The following RPS6KC1 variants were observed in gnomAD, a reference collection of about 807,000 sequenced individuals.
The protein encoded by RPS6KC1 is ribosomal protein S6 kinase C1, also known as inactive ribosomal protein S6 kinase delta-1.
RPS6KC1 carries 54 observed loss-of-function variants against 103.8 expected under a neutral mutation model. The observed-to-expected ratio is 0.52, with a 90% CI of 0.42 to 0.65. RPS6KC1 has a LOEUF of 0.65. RPS6KC1 is among the 30% of genes least tolerant of loss of function. The probability of loss-of-function intolerance (pLI) is 0.00; values close to 1 mark genes in which losing one functional copy is unlikely to be tolerated. For synonymous variants in RPS6KC1, 439 were observed against 438.7 expected (o/e 1.00, Z -0.01); for missense variants, 1,151 against 1,253.8 (o/e 0.92, Z 1.24).
chr1:213,693,108 T>G, the RPS6KC1 span, among the ~76,000 whole-genome samples: 150,763 of 152,296 alleles, frequency 0.99, 74,634 homozygotes, highest in Middle Eastern at 1. Flanking sequence ...TATATCTGCT[T>G]TCTCTCTCTG....
the RPS6KC1 span, among the ~76,000 whole-genome samples, chr1:213,790,157 T>A: frequency 6.6e-6 from 1 of 152,170 alleles, no homozygotes; most frequent in East Asian, 1.9e-4. Flanking sequence ...CATAACAGTG[T>A]CCCAAGTGGA....
rs1375175976 is a variant in RPS6KC1, at chr1:213,081,796, GA to G, written c.262+3982del. ...CATCCAGCCAAAAACTAGTAAGCAT[GA>G]AGCCTGCCACAGCCATGTGAATGAA... is the stretch of plus-strand genomic sequence containing the variant. On this transcript the variant is annotated intron_variant, in intron 3 of 14. Coordinates refer to ENST00000366960, the MANE Select transcript of RPS6KC1 (RefSeq NM_012424.6). Among the ~76,000 whole-genome samples the G allele has an allele frequency of 2.0e-5, 3 of 151,980 alleles. No homozygotes were observed. In the East Asian group the frequency reaches 5.8e-4, roughly 29 times the overall value.
At chr1:213,728,786 G>C in the RPS6KC1 span, among the ~76,000 whole-genome samples, 1 of 151,986 alleles carries the variant, frequency 6.6e-6, no homozygotes, top group African/African-American at 2.4e-5. Context: ...ACTCCTCCGC[G>C]CTCTTGGCTT....
chr1:213,529,243 A>C, the RPS6KC1 span, among the ~76,000 whole-genome samples: 4 of 152,164 alleles, frequency 2.6e-5, no homozygotes, highest in Non-Finnish European at 4.4e-5. Flanking sequence ...GGGAGAGCTA[A>C]CCAGGCAAAG....
chr1:213,852,366 T>C, the RPS6KC1 span, among the ~76,000 whole-genome samples: 1,865 of 152,270 alleles, frequency 0.012, 49 homozygotes, highest in African/African-American at 0.043. Context: ...TTCTATGTTA[T>C]TGTGAACATA....
chr1:213,366,110 T>C, the RPS6KC1 span, among the ~76,000 whole-genome samples: 4 of 152,234 alleles, frequency 2.6e-5, no homozygotes, highest in African/African-American at 9.6e-5. Context: ...TGAGGGTCTC[T>C]CCCTGCTTGT....
At chr1:213,418,893 G>A in the RPS6KC1 span, among the ~76,000 whole-genome samples, 1 of 152,198 alleles carries the variant, frequency 6.6e-6, no homozygotes, top group African/African-American at 2.4e-5. Flanking sequence ...AGCTGCAGGT[G>A]GCTCGGCTGC....
chr1:213,119,672 T>C (rs1047544015), intron 5 of RPS6KC1, among the ~76,000 whole-genome samples: 2 of 151,720 alleles, frequency 1.3e-5, no homozygotes. Flanking sequence ...AACGGTATCT[T>C]AGGAGCCTAT....
the RPS6KC1 span, among the ~76,000 whole-genome samples, chr1:213,517,626 G>T: frequency 1.3e-5 from 2 of 152,166 alleles, no homozygotes; most frequent in Admixed American, 6.5e-5. Flanking sequence ...TTTTACATTT[G>T]CTGAGGAGTG....
intron 4 of RPS6KC1, among the ~76,000 whole-genome samples, chr1:213,114,590 T>G (rs914857765): frequency 2.0e-4 from 30 of 151,748 alleles, no homozygotes; most frequent in Non-Finnish European, 2.9e-4. Flanking sequence ...CTTCCAACAC[T>G]ATGTTGAATA....
At chr1:213,770,082 C>G in the RPS6KC1 span, among the ~76,000 whole-genome samples, 1 of 152,178 alleles carries the variant, frequency 6.6e-6, no homozygotes, top group Non-Finnish European at 1.5e-5. Flanking sequence ...CATCTCTGTT[C>G]TGGGTAAGAT....
At chr1:213,359,675 T>C in the RPS6KC1 span, among the ~76,000 whole-genome samples, 1 of 55,002 alleles carries the variant, frequency 1.8e-5, no homozygotes, top group African/African-American at 2.7e-4. Context: ...AATTTGGCAG[T>C]GTTTTTGCAG....
chr1:213,328,213 A>G, the RPS6KC1 span, among the ~76,000 whole-genome samples: 9 of 151,992 alleles, frequency 5.9e-5, no homozygotes, highest in African/African-American at 2.2e-4. Context: ...TAAACAAGTT[A>G]TTTCTGAAAC....
chr1:213,169,548 A>G (rs1158469350), intron 7 of RPS6KC1, among the ~76,000 whole-genome samples: 1 of 151,892 alleles, frequency 6.6e-6, no homozygotes, highest in Non-Finnish European at 1.5e-5. Context: ...CTTTTTCACC[A>G]TTGAATTTTA....
chr1:213,546,164 T>C, the RPS6KC1 span: 1 of 152,214 alleles, frequency 6.6e-6, no homozygotes, highest in Admixed American at 6.5e-5. Context: ...GGTAGTAATT[T>C]ATTAATTCAA....
chr1:213,329,019 G>T, the RPS6KC1 span, among the ~76,000 whole-genome samples: 1 of 152,124 alleles, frequency 6.6e-6, no homozygotes, highest in African/African-American at 2.4e-5. Flanking sequence ...AGGGCGTGGT[G>T]CTGGTGGTAC....
At chr1:213,065,528 C>T (rs182944829) in intron 1 of RPS6KC1, among the ~76,000 whole-genome samples, 33 of 152,310 alleles carry the variant, frequency 2.2e-4, no homozygotes, top group Admixed American at 1.8e-3. Context: ...GATTTTTGCA[C>T]TCAATTCACA....
the RPS6KC1 span, among the ~76,000 whole-genome samples, chr1:213,695,689 T>C: frequency 6.6e-6 from 1 of 152,252 alleles, no homozygotes; most frequent in Non-Finnish European, 1.5e-5. Context: ...ACTTCCCTCT[T>C]GGGGAGTTTG....
chr1:213,826,680 G>GCTGACAATTAATGAGTTCTTGCTGT, the RPS6KC1 span, among the ~76,000 whole-genome samples: 2 of 152,182 alleles, frequency 1.3e-5, no homozygotes, highest in African/African-American at 4.8e-5. Flanking sequence ...GGTAGCCATG[G>GCTGACAATTAATGAGTTCTTGCTGT]CTGACAATTA....
Sources: allele counts gnomAD v4.1 joint callset (sites outside exome capture counted in the v4.1 genomes callset), GRCh38; gene constraint gnomAD v4.1.1; transcripts MANE v1.5; gene names NCBI Gene and HGNC (gene_info 2026-07-23, HGNC 2026-07-21).